Variants in CSMD3 observed in about 807,000 individuals in gnomAD.
The protein encoded by CSMD3 is CUB and Sushi multiple domains 3, also known as CUB and sushi domain-containing protein 3.
In CSMD3, 177 loss-of-function variants were observed where a neutral mutation model predicts 435.2. The ratio of observed to expected loss-of-function variants is 0.41; its 90% confidence interval spans 0.36 to 0.46. The LOEUF (loss-of-function observed/expected upper bound fraction) is 0.46. Among genes scored for constraint, CSMD3 ranks in the 20% least tolerant of loss-of-function variants. CSMD3 has a pLI of 0.34. For synonymous variants in CSMD3, 1,656 were observed against 1,520.5 expected, an observed-to-expected ratio of 1.09 and a Z score of -2.07; for missense variants, 4,265 against 4,504.6, an observed-to-expected ratio of 0.95 and a Z score of 1.52.
intron 1 of CSMD3, among the ~76,000 whole-genome samples, chr8:113,434,043 C>T (rs2094690759): frequency 6.6e-6 from 1 of 152,180 alleles, no homozygotes; most frequent in African/African-American, 2.4e-5. Flanking sequence ...TTTTCCTTTT[C>T]AGCCCCACCC....
At position 112,679,483 on chromosome 8, in the gene CSMD3, G is replaced by A. The variant is rs537209904; in HGVS notation, c.2677+2959C>T. Among the ~76,000 whole-genome samples, 18 of 152,244 alleles carry A rather than the reference G, an allele frequency of 1.2e-4. No homozygotes were observed. In the South Asian group the frequency reaches 1.5e-3, roughly 12 times the overall value. On this transcript the variant is annotated intron_variant, in intron 16 of 70. Coordinates refer to ENST00000297405, the MANE Select transcript of CSMD3 (RefSeq NM_198123.2). The stretch of plus-strand genomic sequence containing the variant: ...TCACACATAGAGAAAAACAATTCTT[G>A]TCCATCAGAAACTTCATAAGGGTTC...
chr8:112,751,438 T>C (rs1056983405), intron 13 of CSMD3, among the ~76,000 whole-genome samples: 1 of 152,252 alleles, frequency 6.6e-6, no homozygotes, highest in African/African-American at 2.4e-5. Context: ...AAAATACTTA[T>C]AAGAATAAAT....
intron 6 of CSMD3, among the ~76,000 whole-genome samples, chr8:112,976,898 A>T (rs980062418): frequency 1.9e-4 from 29 of 152,098 alleles, no homozygotes; most frequent in Admixed American, 1.6e-3. Flanking sequence ...AATTCACACA[A>T]CGCTAGTTTT....
intron 22 of CSMD3, among the ~76,000 whole-genome samples, chr8:112,604,767 A>G (rs1409880315): frequency 1.3e-5 from 2 of 152,200 alleles, no homozygotes; most frequent in African/African-American, 4.8e-5. Context: ...ATAGCAAGAA[A>G]TACAAAAATT....
At chr8:112,710,054 C>T (rs960954161) in intron 13 of CSMD3, among the ~76,000 whole-genome samples, 1 of 152,060 alleles carries the variant, frequency 6.6e-6, no homozygotes, top group African/African-American at 2.4e-5. Context: ...TCTAGGAAGA[C>T]AGCACTGCAA....
chr8:113,413,165 G>A (rs946273216), intron 1 of CSMD3, among the ~76,000 whole-genome samples: 46 of 152,100 alleles, frequency 3.0e-4, no homozygotes, highest in African/African-American at 9.9e-4. Flanking sequence ...ATATAGCAAG[G>A]TCACTGGCTT....
At chr8:112,772,715 C>T (rs1010210188) in intron 13 of CSMD3, among the ~76,000 whole-genome samples, 3 of 151,988 alleles carry the variant, frequency 2.0e-5, no homozygotes, top group African/African-American at 2.4e-5. Flanking sequence ...CTGTAAAGCC[C>T]GATTGTATAT....
At chr8:112,596,406 C>A (rs1404314813) in intron 22 of CSMD3, among the ~76,000 whole-genome samples, 2 of 152,054 alleles carry the variant, frequency 1.3e-5, no homozygotes, top group African/African-American at 4.8e-5. Context: ...GACTCCCACA[C>A]ATTAATAATG....
intron 13 of CSMD3, among the ~76,000 whole-genome samples, chr8:112,742,343 G>GA (rs1232980764): frequency 1.3e-4 from 19 of 151,064 alleles, no homozygotes; most frequent in Admixed American, 4.0e-4. Context: ...TATCAGCAGA[G>GA]AAAGAAAAAA....
intron 16 of CSMD3, among the ~76,000 whole-genome samples, chr8:112,681,080 G>A (rs180746010): frequency 6.7e-6 from 1 of 150,214 alleles, no homozygotes; most frequent in East Asian, 2.0e-4. Context: ...CTATCACCAG[G>A]CTGGAGTGCA....
At chr8:113,392,301 C>T (rs2094464366) in intron 1 of CSMD3, among the ~76,000 whole-genome samples, 1 of 152,132 alleles carries the variant, frequency 6.6e-6, no homozygotes, top group South Asian at 2.1e-4. Context: ...CCCTCTGTTG[C>T]TTAGGAGTTG....
chr8:113,191,448 C>T (rs886503023), intron 3 of CSMD3, among the ~76,000 whole-genome samples: 2 of 151,548 alleles, frequency 1.3e-5, no homozygotes, highest in South Asian at 2.1e-4. Flanking sequence ...TTTATATCCA[C>T]GTCTATTCAG....
chr8:113,019,019 A>G (rs765148911), intron 6 of CSMD3, 48 bp downstream of exon 6: 1 of 1,234,790 alleles, frequency 8.1e-7, no homozygotes, highest in Non-Finnish European at 1.2e-6. Flanking sequence ...TGTGTACACC[A>G]AAATTATTTT....
intron 22 of CSMD3, among the ~76,000 whole-genome samples, chr8:112,614,719 A>G (rs1833531083): frequency 6.6e-6 from 1 of 152,056 alleles, no homozygotes; most frequent in Non-Finnish European, 1.5e-5. Context: ...AGAACTATAC[A>G]AAGTTAGATA....
intron 10 of CSMD3, among the ~76,000 whole-genome samples, chr8:112,914,354 T>G (rs1314774453): frequency 1.3e-5 from 2 of 151,840 alleles, no homozygotes; most frequent in Admixed American, 1.3e-4. Context: ...TCAGTTCTGC[T>G]CTGTGCTTCT....
intron 3 of CSMD3, among the ~76,000 whole-genome samples, chr8:113,187,174 C>T (rs897640428): frequency 1.0e-4 from 15 of 149,280 alleles, no homozygotes; most frequent in Non-Finnish European, 1.9e-4. Flanking sequence ...TTCTTCTTTT[C>T]CTTTTTCACC....
At chr8:113,260,300 T>C (rs1475044426) in intron 3 of CSMD3, among the ~76,000 whole-genome samples, 2 of 152,180 alleles carry the variant, frequency 1.3e-5, no homozygotes, top group African/African-American at 4.8e-5. Context: ...TGAATCCAAG[T>C]TGTCTCATCA....
chr8:113,105,760 A>C (rs2090455953), intron 4 of CSMD3, among the ~76,000 whole-genome samples: 1 of 152,216 alleles, frequency 6.6e-6, no homozygotes, highest in South Asian at 2.1e-4. Context: ...AAATCTCAAA[A>C]GACACAAACT....
intron 13 of CSMD3, among the ~76,000 whole-genome samples, chr8:112,791,754 T>C (rs1199307333): frequency 6.6e-6 from 1 of 152,114 alleles, no homozygotes; most frequent in Non-Finnish European, 1.5e-5. Flanking sequence ...TGTCTAAGAG[T>C]AAAAAGGCTG....
Sources: allele counts gnomAD v4.1 joint callset (sites outside exome capture counted in the v4.1 genomes callset), GRCh38; gene constraint gnomAD v4.1.1; transcripts MANE v1.5; gene names NCBI Gene and HGNC (gene_info 2026-07-23, HGNC 2026-07-21).